Variants in ZNF333 observed in about 807,000 individuals in gnomAD.
The protein encoded by ZNF333 is zinc finger protein 333.
Under a neutral mutation model 76.1 loss-of-function variants are expected in ZNF333, and 61 were observed. The observed-to-expected ratio is 0.80, with a 90% CI of 0.65 to 0.99. ZNF333 has a LOEUF of 0.99. ZNF333 is among the 50% of genes least tolerant of loss of function. The pLI, the probability that ZNF333 is intolerant of heterozygous loss-of-function variation, is 0.00. For synonymous variants in ZNF333, 284 were observed against 305.0 expected, an observed-to-expected ratio of 0.93 and a Z score of 0.72; for missense variants, 717 against 822.4, an observed-to-expected ratio of 0.87 and a Z score of 1.57.
Position 14,718,917 on chromosome 19 carries a change from G to A in ZNF333, c.1590G>A (p.Gly530=). 6.2e-7 allele frequency: 1 copy of A among 1,613,780 alleles called. No individual in the cohort carries two copies. Among genetic ancestry groups the A allele is most frequent in the Non-Finnish European group, 8.5e-7 (1 of 1,179,908 alleles). Residue 530 remains glycine (G), a synonymous_variant, in exon 12 of 12, where the codon GGG becomes GGA. Transcript: ENST00000292530. ...HLNVHKRIHT[G]EKLYECATCG... The stretch of plus-strand genomic sequence containing the variant: ...ACGTGCACAAGAGGATACACACAGG[G>A]GAGAAACTGTATGAGTGCGCGACTT...
chr19:14,699,991 C>T (rs899145884), intron 5 of ZNF333, among the ~76,000 whole-genome samples: 6 of 151,872 alleles, frequency 4.0e-5, no homozygotes, highest in Non-Finnish European at 5.9e-5. Context: ...GCGAGCTTTC[C>T]ACCATCATTC....
rs1427665752 is a variant in ZNF333 at position 14,716,194 on chromosome 19, A to G, written c.683A>G (p.Tyr228Cys). The G allele has an allele frequency of 3.7e-6, 6 of 1,613,852 alleles. No homozygotes were observed. Among genetic ancestry groups the G allele is most frequent in the East Asian group, 2.2e-5 (1 of 44,882 alleles). Residue 228 changes from tyrosine (Y) to cysteine (C), a missense_variant, in exon 9 of 12, where the codon TAT (tyrosine) becomes TGT (cysteine). By Grantham distance (194) the Tyr-to-Cys change is radical. Coordinates refer to ENST00000292530, the MANE Select transcript of ZNF333 (RefSeq NM_032433.4). ...CTGGACTCTACTCAGAGGAGCCTGTATAGAGATGTGATGCTGGAGAACTAC... is the reference window on the plus strand; with the variant it reads ...CTGGACTCTACTCAGAGGAGCCTGTGTAGAGATGTGATGCTGGAGAACTAC... ...VFLDSTQRSL[Y>C]RDVMLENYRN...
chr19:14,697,364 T>C (rs1051528099), intron 4 of ZNF333, among the ~76,000 whole-genome samples: 8 of 144,016 alleles, frequency 5.6e-5, no homozygotes, highest in East Asian at 2.0e-4. Flanking sequence ...TTTCTTTTTT[T>C]TTTTTTTTTT....
chr19:14,706,049 A>G, intron 6 of ZNF333: 1 of 455,830 alleles, frequency 2.2e-6, no homozygotes, highest in African/African-American at 2.0e-5. Flanking sequence ...ATCCACCACC[A>G]AGTCCTGCTA....
chr19:14,691,902 C>G (rs1034842555), intron 1 of ZNF333, among the ~76,000 whole-genome samples: 1 of 152,130 alleles, frequency 6.6e-6, no homozygotes, highest in African/African-American at 2.4e-5. Context: ...GTCTGGAACT[C>G]CTGACCTCAG....
chr19:14,718,601 G>C lies in ZNF333; in HGVS notation c.1274G>C (p.Ser425Thr), dbSNP rs781244254. 1 of 1,613,670 alleles carries C rather than the reference G, an allele frequency of 6.2e-7. No individual in the cohort carries two copies. Among genetic ancestry groups the C allele is most frequent in the Non-Finnish European group, 8.5e-7 (1 of 1,179,998 alleles). The stretch of plus-strand genomic sequence containing the variant: ...ACCGGAGAGAAGCCATTTGAATGTA[G>C]TCAGTGTGGGAAAACCTTCACGAGG... ...THTGEKPFECSQCGKTFTRNF... is the reference protein window; with the variant it reads ...THTGEKPFECTQCGKTFTRNF... The change falls in exon 12 of 12, where the codon AGT becomes ACT. Residue 425 changes from serine to threonine, a missense_variant. Transcript: ENST00000292530.
exon 12 of ZNF333, chr19:14,733,270 G>A (rs902852227): frequency 1.3e-5 from 2 of 152,146 alleles, no homozygotes; most frequent in Non-Finnish European, 2.9e-5. Context: ...GCCACTTTAA[G>A]TTTCAGCTTC....
At position 14,719,047 on chromosome 19, in the gene ZNF333, C is replaced by G. The variant is rs757879231; in HGVS notation, c.1720C>G (p.Pro574Ala). Residue 574 changes from proline to alanine, a missense_variant, in exon 12 of 12, where the codon CCC becomes GCC. Coordinates refer to ENST00000292530, the MANE Select transcript of ZNF333 (RefSeq NM_032433.4). ...GGAATGTGGGCGAGCCTTCAGTGAG[C>G]CCTCATCCCTCAGGAAACATGCAAG... ...CQECGRAFSEPSSLRKHARTH... is the reference protein window; with the variant it reads ...CQECGRAFSEASSLRKHARTH... 2 of 1,614,084 alleles carry G rather than the reference C, an allele frequency of 1.2e-6. No homozygotes were observed. Among genetic ancestry groups the G allele is most frequent in the South Asian group, 2.2e-5 (2 of 91,068 alleles).
upstream of ZNF333, chr19:14,689,937 T>G (rs1972612590): frequency 6.6e-6 from 1 of 152,324 alleles, no homozygotes; most frequent in African/African-American, 2.4e-5. Context: ...ATACTAGAAT[T>G]TCTCCTTGGA....
chr19:14,716,999 C>G lies in ZNF333; in HGVS notation c.733C>G (p.Gln245Glu), dbSNP rs780528697. 5 of 1,610,894 alleles carry G rather than the reference C, an allele frequency of 3.1e-6. No individual in the cohort carries two copies. The South Asian group carries it at 5.5e-5, about 18-fold the overall frequency. ...NYRNLASVAD[Q>E]LCKPNALSYL... Reference sequence around the variant, plus strand: ...TGTTTTTTTCTCATGAGCAGCTGATCAACTGTGCAAACCCAATGCGTTGTC... The same window carrying G: ...TGTTTTTTTCTCATGAGCAGCTGATGAACTGTGCAAACCCAATGCGTTGTC... Residue 245 changes from glutamine (Q) to glutamate (E), a missense_variant, in exon 10 of 12, where the codon CAA becomes GAA. By Grantham distance (29) the Gln-to-Glu change is conservative. Coordinates refer to ENST00000292530, the MANE Select transcript of ZNF333 (RefSeq NM_032433.4).
chr19:14,723,586 A>G (rs2042615259), downstream of ZNF333, among the ~76,000 whole-genome samples: 1 of 152,204 alleles, frequency 6.6e-6, no homozygotes, highest in South Asian at 2.1e-4. Context: ...TTAATTCCAA[A>G]GTATTTTATT....
At chr19:14,698,797 G>A (rs1201372771) in intron 4 of ZNF333, among the ~76,000 whole-genome samples, 7 of 147,790 alleles carry the variant, frequency 4.7e-5, no homozygotes, top group Admixed American at 2.0e-4. Flanking sequence ...CCAAGATTGC[G>A]CCACTGCACT....
chr19:14,731,996 CCA>C (rs1361146806), exon 12 of ZNF333: 1 of 152,210 alleles, frequency 6.6e-6, no homozygotes, highest in African/African-American at 2.4e-5. Flanking sequence ...GTCCCCCAGA[CCA>C]CAGAGTCCAT....
At chr19:14,716,018 G>A (rs1398532989) in intron 8 of ZNF333, 94 bp from the exon 9 acceptor site, 5 of 1,572,220 alleles carry the variant, frequency 3.2e-6, no homozygotes, top group Non-Finnish European at 4.3e-6. Flanking sequence ...CCTCTGCCTG[G>A]GTTTTCCCTT....
chr19:14,724,491 C>T (rs755793374), downstream of ZNF333, among the ~76,000 whole-genome samples: 23 of 152,192 alleles, frequency 1.5e-4, no homozygotes, highest in African/African-American at 4.6e-4. Context: ...TTAAGCCGGG[C>T]GCAGTGGCTC....
At chr19:14,706,392 A>G (rs1161842003) in intron 6 of ZNF333, 1 of 428,504 alleles carries the variant, frequency 2.3e-6, no homozygotes, top group Non-Finnish European at 4.3e-6. Flanking sequence ...CCTCCTGGCC[A>G]TCCACTCCCC....
At chr19:14,727,253 C>A (rs2042639164) in intron 11 of ZNF333, among the ~76,000 whole-genome samples, 2 of 152,136 alleles carry the variant, frequency 1.3e-5, no homozygotes, top group South Asian at 2.1e-4. Flanking sequence ...TGGTCTCGAT[C>A]TCCTGACCTT....
exon 12 of ZNF333, chr19:14,731,530 A>C: frequency 3.6e-6 from 1 of 281,228 alleles, no homozygotes; most frequent in Non-Finnish European, 6.6e-6. Context: ...GTGGACCCCC[A>C]CGGTGGAGAG....
intron 11 of ZNF333, among the ~76,000 whole-genome samples, chr19:14,729,767 A>G (rs983825630): frequency 1.3e-5 from 2 of 152,200 alleles, no homozygotes; most frequent in Admixed American, 6.5e-5. Flanking sequence ...GTGGATGTAA[A>G]TTGTTCTCAC....
Sources: gnomAD v4.1 joint callset for allele counts (sites outside exome capture counted in the v4.1 genomes callset) on GRCh38, gnomAD v4.1.1 for gene constraint, MANE v1.5 for transcripts, NCBI Gene and HGNC (gene_info 2026-07-23, HGNC 2026-07-21) for gene names.